Variants in USP10 observed in about 807,000 individuals in gnomAD.
The protein encoded by USP10 is ubiquitin specific peptidase 10.
Under a neutral mutation model 84.5 loss-of-function variants are expected in USP10, and 22 were observed. The observed-to-expected ratio is 0.26, with a 90% CI of 0.19 to 0.37. The LOEUF (loss-of-function observed/expected upper bound fraction) is 0.37, where lower values mean the gene tolerates loss of function less well. Ranked by LOEUF, USP10 falls within the 10% of genes least tolerant of loss-of-function variation. The probability of loss-of-function intolerance (pLI) is 1.00; values close to 1 mark genes in which losing one functional copy is unlikely to be tolerated. For synonymous variants in USP10, 454 were observed against 387.6 expected (o/e 1.17, Z -2.01); for missense variants, 1,019 against 998.9 (o/e 1.02, Z -0.27).
At chr16:84,774,111 A>G (rs1914728868) in intron 12 of USP10, among the ~76,000 whole-genome samples, 1 of 152,096 alleles carries the variant, frequency 6.6e-6, no homozygotes, top group African/African-American at 2.4e-5. Context: ...TTAGCCTAGC[A>G]TGGTGGTGGG....
chr16:84,728,022 C>T (rs912901025), intron 1 of USP10, among the ~76,000 whole-genome samples: 4 of 152,116 alleles, frequency 2.6e-5, no homozygotes, highest in Non-Finnish European at 5.9e-5. Flanking sequence ...TGGAAGTTTC[C>T]CACAGCCTTT....
chr16:84,736,989 C>T (rs982552887), intron 2 of USP10, among the ~76,000 whole-genome samples: 10 of 152,122 alleles, frequency 6.6e-5, no homozygotes, highest in East Asian at 1.9e-4. Context: ...GGGGTTTCAC[C>T]GGGTTAGCCA....
intron 4 of USP10, among the ~76,000 whole-genome samples, chr16:84,748,336 C>G (rs1384899274): frequency 2.0e-5 from 3 of 151,970 alleles, no homozygotes; most frequent in Non-Finnish European, 2.9e-5. Flanking sequence ...GGGGGTCTCA[C>G]TCTGTCGCCC....
At chr16:84,701,181 C>G (rs965055858) in intron 1 of USP10, among the ~76,000 whole-genome samples, 27 of 152,208 alleles carry the variant, frequency 1.8e-4, no homozygotes, top group African/African-American at 6.3e-4. Context: ...GACTACACCT[C>G]TTTTGAAACA....
chr16:84,706,641 C>A (rs1004814873), intron 1 of USP10, among the ~76,000 whole-genome samples: 3 of 151,624 alleles, frequency 2.0e-5, no homozygotes, highest in East Asian at 1.9e-4. Flanking sequence ...CCCGGGTTCA[C>A]GCCATTCTCC....
At chr16:84,708,002 T>A (rs1490102158) in intron 1 of USP10, among the ~76,000 whole-genome samples, 2 of 152,072 alleles carry the variant, frequency 1.3e-5, no homozygotes, top group Non-Finnish European at 2.9e-5. Flanking sequence ...CGCTTGAACC[T>A]GGGAGGTGGA....
At chr16:84,705,064 G>T (rs528876987) in intron 1 of USP10, among the ~76,000 whole-genome samples, 3 of 152,164 alleles carry the variant, frequency 2.0e-5, no homozygotes, top group African/African-American at 7.2e-5. Flanking sequence ...CAGCCTTATC[G>T]GTTGTCATTC....
At chr16:84,748,919 A>G (rs1911572123) in intron 4 of USP10, among the ~76,000 whole-genome samples, 1 of 152,206 alleles carries the variant, frequency 6.6e-6, no homozygotes, top group East Asian at 1.9e-4. Context: ...AACCCCTACC[A>G]AACAGATTAT....
intron 4 of USP10, among the ~76,000 whole-genome samples, chr16:84,748,318 T>C (rs1911494691): frequency 6.6e-6 from 1 of 152,088 alleles, no homozygotes; most frequent in South Asian, 2.1e-4. Flanking sequence ...TTTTCTTTAT[T>C]TTTGAGAGGG....
intron 4 of USP10, among the ~76,000 whole-genome samples, chr16:84,755,989 C>G (rs1412643027): frequency 6.6e-6 from 1 of 152,178 alleles, no homozygotes. Flanking sequence ...TGAGAACCTT[C>G]TAGTATATCT....
intron 6 of USP10, 106 bp from the exon 7 acceptor site, chr16:84,759,785 T>C: frequency 8.5e-7 from 1 of 1,181,520 alleles, no homozygotes; most frequent in Non-Finnish European, 1.2e-6. Flanking sequence ...TTACCTAAAA[T>C]CTACTATACT....
At chr16:84,704,139 C>T (rs1327317993) in intron 1 of USP10, among the ~76,000 whole-genome samples, 2 of 152,192 alleles carry the variant, frequency 1.3e-5, no homozygotes, top group Non-Finnish European at 2.9e-5. Context: ...GAATTAGTTA[C>T]ATCAGGGTTT....
intron 4 of USP10, among the ~76,000 whole-genome samples, chr16:84,748,006 C>T (rs776595904): frequency 1.6e-4 from 24 of 151,374 alleles, no homozygotes; most frequent in Non-Finnish European, 2.2e-4. Context: ...ACCTAAAAAT[C>T]AGCCAGGCGT....
chr16:84,773,616 G>A (rs1007072640), intron 12 of USP10, among the ~76,000 whole-genome samples: 2 of 152,200 alleles, frequency 1.3e-5, no homozygotes, highest in African/African-American at 2.4e-5. Context: ...CTGCTGTGCC[G>A]GGTTTAGTGT....
chr16:84,771,885 G>A (rs576977027), intron 11 of USP10, among the ~76,000 whole-genome samples: 1 of 152,234 alleles, frequency 6.6e-6, no homozygotes, highest in Admixed American at 6.5e-5. Flanking sequence ...AAAGGCGGGG[G>A]AGTCAGTACA....
In USP10 at chr16:84,710,599, C is replaced by G. The variant is rs544492966; in HGVS notation, c.21+10488C>G. Among the ~76,000 whole-genome samples, 221 of 152,254 alleles carry G rather than the reference C, an allele frequency of 1.5e-3. 4 individuals are homozygous for G. The highest frequency in any genetic ancestry group is 1.7e-3 in the Non-Finnish European group (119 of 68,018). On this transcript the variant is annotated intron_variant, in intron 1 of 13. Coordinates refer to ENST00000219473, the MANE Select transcript of USP10 (RefSeq NM_005153.3). The stretch of plus-strand genomic sequence containing the variant: ...CACCTTTAAAAACAAGCATCTGTCC[C>G]TTGATTATATTCGTAGAAAATATTA...
intron 3 of USP10, among the ~76,000 whole-genome samples, chr16:84,742,491 G>A (rs967820833): frequency 3.9e-5 from 6 of 152,126 alleles, no homozygotes; most frequent in Non-Finnish European, 5.9e-5. Flanking sequence ...CTCGCCCCCT[G>A]CCTTGTAGTC....
chr16:84,716,696 CAG>C (rs1163996954), intron 1 of USP10, among the ~76,000 whole-genome samples: 1 of 152,144 alleles, frequency 6.6e-6, no homozygotes, highest in East Asian at 1.9e-4. Flanking sequence ...TGAATAAATG[CAG>C]AGTTACTGGG....
At chr16:84,716,270 T>G (rs1170017459) in intron 1 of USP10, 1 of 152,264 alleles carries the variant, frequency 6.6e-6, no homozygotes, top group Admixed American at 6.5e-5. Flanking sequence ...TACTATCTGA[T>G]TGCATCTTAC....
Sources: allele counts gnomAD v4.1 joint callset (sites outside exome capture counted in the v4.1 genomes callset), GRCh38; gene constraint gnomAD v4.1.1; transcripts MANE v1.5; gene names NCBI Gene and HGNC (gene_info 2026-07-23, HGNC 2026-07-21).